The following SPAG16 variants were observed in gnomAD, a reference collection of about 807,000 sequenced individuals.
The protein encoded by SPAG16 is sperm-associated antigen 16 protein.
A neutral mutation model predicts 80.4 loss-of-function variants in SPAG16; 86 were observed. The ratio of observed to expected loss-of-function variants is 1.07; its 90% CI spans 0.90 to 1.28. The LOEUF (loss-of-function observed/expected upper bound fraction) is 1.28, where lower values mean the gene tolerates loss of function less well. Ranked by LOEUF, SPAG16 falls within the 50% of genes most tolerant of loss-of-function variation. The probability of loss-of-function intolerance (pLI) is 0.00; values close to 1 mark genes in which losing one functional copy is unlikely to be tolerated. For missense variants in SPAG16, 870 were observed against 765.3 expected, an observed-to-expected ratio of 1.14 and a Z score of -1.61; for synonymous variants, 294 against 265.9, an observed-to-expected ratio of 1.11 and a Z score of -1.03.
intron 10 of SPAG16, among the ~76,000 whole-genome samples, chr2:213,565,594 G>T (rs1279852296): frequency 1.3e-5 from 2 of 152,212 alleles, no homozygotes; most frequent in African/African-American, 4.8e-5. Context: ...CTATTGAAAG[G>T]CTGGGTGGCT....
At chr2:214,246,050 T>C (rs1689820212) in intron 15 of SPAG16, among the ~76,000 whole-genome samples, 1 of 152,152 alleles carries the variant, frequency 6.6e-6, no homozygotes, top group Non-Finnish European at 1.5e-5. Flanking sequence ...TTTGGTATGC[T>C]TGGAAATTCC....
At chr2:213,366,102 A>G (rs2066268020) in intron 8 of SPAG16, among the ~76,000 whole-genome samples, 1 of 146,904 alleles carries the variant, frequency 6.8e-6, no homozygotes, top group African/African-American at 2.5e-5. Flanking sequence ...AGATCCCGCC[A>G]CTGCACTCCA....
intron 15 of SPAG16, among the ~76,000 whole-genome samples, chr2:214,363,424 A>G (rs1699299723): frequency 6.6e-6 from 1 of 152,052 alleles, no homozygotes; most frequent in South Asian, 2.1e-4. Context: ...CTCAAAGTAC[A>G]TATTTTTAAA....
chr2:214,237,577 A>G (rs989366761), intron 15 of SPAG16, among the ~76,000 whole-genome samples: 2 of 152,124 alleles, frequency 1.3e-5, no homozygotes, highest in Non-Finnish European at 2.9e-5. Flanking sequence ...AATCATAGTC[A>G]TCTCTTTCAT....
intron 15 of SPAG16, among the ~76,000 whole-genome samples, chr2:214,206,855 G>A (rs2058158353): frequency 6.6e-6 from 1 of 152,044 alleles, no homozygotes; most frequent in African/African-American, 2.4e-5. Flanking sequence ...ATATCTCATT[G>A]TAGTTTTGAT....
intron 10 of SPAG16, among the ~76,000 whole-genome samples, chr2:213,546,952 C>A (rs373771311): frequency 2.0e-5 from 3 of 152,058 alleles, no homozygotes; most frequent in South Asian, 4.1e-4. Context: ...CTGTATAATG[C>A]AGTTATATTC....
chr2:213,485,097 C>T (rs991349055), intron 9 of SPAG16, among the ~76,000 whole-genome samples: 11 of 151,260 alleles, frequency 7.3e-5, no homozygotes, highest in South Asian at 2.1e-4. Context: ...TGGGCTCAAG[C>T]GATCCTCCTG....
chr2:213,817,297 A>G lies in SPAG16; in HGVS notation c.1071-45188A>G, dbSNP rs1381293857. On this transcript the variant is annotated intron_variant, in intron 10 of 15. Coordinates refer to ENST00000331683, the MANE Select transcript of SPAG16 (RefSeq NM_024532.5). ...TATCACAGTCAGAATGGCTACTATT[A>G]AAAAGTTAAAAAACAGCAGATGCTG... Among the ~76,000 whole-genome samples the G allele has an allele frequency of 3.4e-5, 5 of 148,628 alleles. No individual in the cohort carries two copies. The South Asian group carries it at 1.0e-3, about 31-fold the overall frequency.
At chr2:214,395,091 G>C (rs557023836) in intron 15 of SPAG16, among the ~76,000 whole-genome samples, 1 of 151,962 alleles carries the variant, frequency 6.6e-6, no homozygotes, top group African/African-American at 2.4e-5. Flanking sequence ...GATGTACCAC[G>C]CTTTATTAAT....
chr2:214,122,398 G>A (rs565228476), intron 14 of SPAG16, among the ~76,000 whole-genome samples: 1 of 151,872 alleles, frequency 6.6e-6, no homozygotes, highest in South Asian at 2.1e-4. Context: ...AGACATAAAT[G>A]CATCAATTCA....
intron 11 of SPAG16, among the ~76,000 whole-genome samples, chr2:213,926,209 T>C (rs1357191788): frequency 6.6e-6 from 1 of 152,198 alleles, no homozygotes; most frequent in African/African-American, 2.4e-5. Context: ...ATAGTTGGGA[T>C]AATTTTTTCA....
intron 14 of SPAG16, among the ~76,000 whole-genome samples, chr2:214,132,821 T>C (rs1378423813): frequency 6.6e-6 from 1 of 152,112 alleles, no homozygotes; most frequent in Non-Finnish European, 1.5e-5. Flanking sequence ...CTGTCATGGC[T>C]GGGCCTATGC....
chr2:214,063,224 C>T (rs754531703), intron 13 of SPAG16, among the ~76,000 whole-genome samples: 4 of 152,194 alleles, frequency 2.6e-5, no homozygotes, highest in African/African-American at 4.8e-5. Flanking sequence ...CTTGCCTCTC[C>T]AGGCACATTG....
intron 10 of SPAG16, among the ~76,000 whole-genome samples, chr2:213,718,879 A>G (rs916289079): frequency 2.0e-5 from 3 of 152,172 alleles, no homozygotes; most frequent in African/African-American, 4.8e-5. Context: ...GAATGCGAGC[A>G]CACGGCGCAG....
chr2:214,089,204 T>A (rs2051995985), intron 13 of SPAG16, among the ~76,000 whole-genome samples: 1 of 152,000 alleles, frequency 6.6e-6, no homozygotes, highest in Non-Finnish European at 1.5e-5. Flanking sequence ...AATCAATAAA[T>A]CTCTCTCAGT....
chr2:213,951,231 G>A (rs191966241), intron 12 of SPAG16, among the ~76,000 whole-genome samples: 79 of 152,120 alleles, frequency 5.2e-4, no homozygotes, highest in African/African-American at 1.6e-3. Context: ...GAAAATTTTA[G>A]GAAGTATAAA....
chr2:213,893,779 A>T (rs10197909), intron 11 of SPAG16, among the ~76,000 whole-genome samples: 9 of 151,844 alleles, frequency 5.9e-5, no homozygotes, highest in Non-Finnish European at 1.5e-5. Flanking sequence ...AAATTAAACC[A>T]TACTAGCAGA....
chr2:214,026,383 A>G (rs2048132563), intron 13 of SPAG16, among the ~76,000 whole-genome samples: 2 of 151,552 alleles, frequency 1.3e-5, no homozygotes, highest in Non-Finnish European at 3.0e-5. Flanking sequence ...AACAAAAACA[A>G]AAGTTAAAAG....
At chr2:214,386,319 G>A (rs1043037272) in intron 15 of SPAG16, among the ~76,000 whole-genome samples, 6 of 152,200 alleles carry the variant, frequency 3.9e-5, no homozygotes, top group African/African-American at 1.4e-4. Flanking sequence ...GGAGGCAGAA[G>A]TGGCAGTGAG....
Sources: allele counts gnomAD v4.1 joint callset (sites outside exome capture counted in the v4.1 genomes callset), GRCh38; gene constraint gnomAD v4.1.1; transcripts MANE v1.5; gene names NCBI Gene and HGNC (gene_info 2026-07-23, HGNC 2026-07-21).